The following VIL1 variants were observed in gnomAD, a reference collection of about 807,000 sequenced individuals.
The protein encoded by VIL1 is villin-1.
In VIL1, 86 loss-of-function variants were observed where a neutral mutation model predicts 104.0. The ratio of observed to expected loss-of-function variants is 0.83; its 90% CI spans 0.69 to 0.99. The LOEUF (loss-of-function observed/expected upper bound fraction) is 0.99. Among genes scored for constraint, VIL1 ranks in the 50% least tolerant of loss-of-function variants. The probability of loss-of-function intolerance (pLI) is 0.00; values close to 1 mark genes in which losing one functional copy is unlikely to be tolerated. For missense variants in VIL1, 944 were observed against 1,054.1 expected (o/e 0.90, Z 1.45); for synonymous variants, 394 against 412.6 (o/e 0.95, Z 0.55).
At chr2:218,435,859 G>C (rs1689179582) in intron 15 of VIL1, among the ~76,000 whole-genome samples, 1 of 152,134 alleles carries the variant, frequency 6.6e-6, no homozygotes, top group South Asian at 2.1e-4. Flanking sequence ...TTGTGACAGA[G>C]TCTCGCTCTG....
At chr2:218,441,073 G>T (rs1689276080) in intron 19 of VIL1, among the ~76,000 whole-genome samples, 1 of 152,168 alleles carries the variant, frequency 6.6e-6, no homozygotes, top group East Asian at 1.9e-4. Context: ...CCAGAAAGGT[G>T]AAGTACAGGA....
At chr2:218,427,044 C>T (rs1689014189) in intron 4 of VIL1, among the ~76,000 whole-genome samples, 1 of 152,206 alleles carries the variant, frequency 6.6e-6, no homozygotes, top group African/African-American at 2.4e-5. Context: ...GCTACCACTC[C>T]CAGCCCAGAC....
chr2:218,428,918 C>A (rs1689047085), intron 6 of VIL1, among the ~76,000 whole-genome samples: 1 of 152,210 alleles, frequency 6.6e-6, no homozygotes, highest in Non-Finnish European at 1.5e-5. Flanking sequence ...GATCCACCCG[C>A]CTCGGCCTCC....
At position 218,428,348 on chromosome 2, in the gene VIL1, C is replaced by T. The variant is rs1305323317; in HGVS notation, c.567+11C>T. 1 of 1,607,944 alleles carries T rather than the reference C, an allele frequency of 6.2e-7. No homozygotes were observed. The highest frequency in any genetic ancestry group is 1.3e-5 in the African/African-American group (1 of 74,768). On this transcript the variant is annotated intron_variant, in intron 6 of 19. Coordinates refer to ENST00000248444, the MANE Select transcript of VIL1 (RefSeq NM_007127.3). ...ATGGAGAGACTCAGGGTAAACCTGC[C>T]CATGCACCACACCTCCCTCTCGAAT...
rs759938013 is a variant in VIL1 at position 218,430,826 on chromosome 2, A to G, written c.1050A>G (p.Thr350=). Reference sequence around the variant, plus strand: ...TTCAGCAGCTCTTCCAGAAGTGGACAGCGTCCAACCGGACCTCAGGCCTAG... The same window carrying G: ...TTCAGCAGCTCTTCCAGAAGTGGACGGCGTCCAACCGGACCTCAGGCCTAG... ...AVFQQLFQKW[T]ASNRTSGLGK... is the part of the protein sequence containing the mutation. The change falls in exon 10 of 20, where the codon ACA becomes ACG. Residue 350 remains threonine (T), a synonymous_variant. Transcript: ENST00000248444. 4.3e-6 allele frequency: 7 copies of G among 1,613,972 alleles called. No individual in the cohort carries two copies. In the African/African-American group the frequency reaches 6.7e-5, roughly 15 times the overall value.
At chr2:218,445,356 G>A (rs1689347484) in intron 19 of VIL1, among the ~76,000 whole-genome samples, 1 of 152,078 alleles carries the variant, frequency 6.6e-6, no homozygotes, top group South Asian at 2.1e-4. Context: ...ATCTGTGATT[G>A]TGTCACCACA....
At position 218,444,217 on chromosome 2, in the gene VIL1, G is replaced by A. The variant is rs140598324; in HGVS notation, c.2370+3355G>A. On this transcript the variant is annotated intron_variant, in intron 19 of 19. Coordinates refer to ENST00000248444, the MANE Select transcript of VIL1 (RefSeq NM_007127.3). ...ACTCCTGACCTCAGGTGATCCACCC[G>A]CCTCAGCCTCCCAAAGTGCTGGGAT... 5.1e-3 allele frequency among the ~76,000 whole-genome samples: 778 copies of A among 152,180 alleles called. 6 individuals carry two copies. The highest frequency in any genetic ancestry group is 0.017 in the African/African-American group (722 of 41,516).
Position 218,449,268 on chromosome 2 carries a change from C to A in VIL1, c.2416C>A (p.Pro806Thr), listed in dbSNP as rs749937737. The A allele has an allele frequency of 1.1e-5, 18 of 1,613,980 alleles. No individual in the cohort carries two copies. Residue 806 changes from proline (P) to threonine (T), a missense_variant, in exon 20 of 20, where the codon CCA becomes ACA. Physicochemically the swap from Pro to Thr is conservative, Grantham distance 38. Transcript: ENST00000248444. ...TTTCACTCAGGCCTTTGGGATGACT[C>A]CAGCTGCCTTCTCTGCTCTGCCTCG... ...EDFTQAFGMTPAAFSALPRWK... is the reference protein window; with the variant it reads ...EDFTQAFGMTTAAFSALPRWK...
In VIL1 at chr2:218,451,710, G is replaced by A. The variant is rs1161604516; in HGVS notation, c.*2374G>A. The A allele has an allele frequency of 1.3e-5, 2 of 152,238 alleles. No homozygotes were observed. Among genetic ancestry groups the A allele is most frequent in the African/African-American group, 4.8e-5 (2 of 41,416 alleles). 9.4% of individuals were successfully genotyped at this position (152,238 alleles called of 1,614,324 possible). A position where few individuals can be genotyped will look rare whatever the true frequency, so the allele number is the denominator to read the frequency against. On this transcript the variant is annotated 3_prime_UTR_variant, in exon 20 of 20. Transcript: ENST00000248444. The stretch of plus-strand genomic sequence containing the variant: ...TTTCAGAATTTTATACTTGATCAAG[G>A]AGAAAAATAAATGTGTAGTCTAACA...
intron 19 of VIL1, among the ~76,000 whole-genome samples, chr2:218,448,693 T>G (rs752815357): frequency 2.2e-4 from 33 of 152,042 alleles, no homozygotes; most frequent in Middle Eastern, 3.4e-3. Flanking sequence ...CACACTACTA[T>G]CTTTTTCATT....
chr2:218,424,503 G>C, intron 3 of VIL1, 152 bp downstream of exon 3: 1 of 754,198 alleles, frequency 1.3e-6, no homozygotes, highest in East Asian at 2.7e-5. Flanking sequence ...CCCTGTGGGG[G>C]CTTCACAGAG....
At chr2:218,438,116 C>T (rs1352809153) in intron 17 of VIL1, among the ~76,000 whole-genome samples, 5 of 152,198 alleles carry the variant, frequency 3.3e-5, no homozygotes, top group African/African-American at 9.6e-5. Flanking sequence ...CTTTAGTTAT[C>T]ACCTTTCCCT....
chr2:218,421,196 G>T lies in VIL1; in HGVS notation c.-12+2028G>T, dbSNP rs185214476. ...GGCGTGGGGTGAGAGGCAGCATGGG[G>T]GTGGGGCCGCCAGCAGTGTGGCATT... On this transcript the variant is annotated intron_variant, in intron 1 of 19. Transcript: ENST00000248444. Among the ~76,000 whole-genome samples, 115 of 152,222 alleles carry T rather than the reference G, an allele frequency of 7.6e-4. 2 individuals carry two copies. In the East Asian group the frequency reaches 0.02, roughly 27 times the overall value.
In VIL1 at chr2:218,423,859, G is replaced by A. The variant is rs749423663; in HGVS notation, c.75+6G>A. 6.8e-6 allele frequency: 11 copies of A among 1,614,028 alleles called. No individual in the cohort carries two copies. The highest frequency in any genetic ancestry group is 2.7e-5 in the African/African-American group (2 of 74,930). On this transcript the variant is annotated splice_donor_region_variant and intron_variant, in intron 2 of 19. Transcript: ENST00000248444. The stretch of plus-strand genomic sequence containing the variant: ...TGCAGATATGGAGGATCGAGGTGAG[G>A]CCCTGTCTGGGCATGGGGGCTGCTC...
intron 16 of VIL1, 74 bp downstream of exon 16, chr2:218,436,700 G>T (rs953665859): frequency 1.3e-6 from 2 of 1,536,168 alleles, no homozygotes; most frequent in African/African-American, 1.4e-5. Context: ...TGGCTTTAAG[G>T]TTAGGTAAGT....
intron 1 of VIL1, among the ~76,000 whole-genome samples, chr2:218,420,626 T>C (rs1317960836): frequency 6.7e-6 from 1 of 148,288 alleles, no homozygotes; most frequent in Non-Finnish European, 1.5e-5. Context: ...CACTCTTTCA[T>C]CCAGGCTGGA....
chr2:218,437,589 CTTAAA>C (rs1221057886), intron 17 of VIL1, among the ~76,000 whole-genome samples: 1 of 152,222 alleles, frequency 6.6e-6, no homozygotes, highest in African/African-American at 2.4e-5. Context: ...GTACTGATTA[CTTAAA>C]TTAAAATTAA....
At position 218,436,542 on chromosome 2, in the gene VIL1, G is replaced by T; in HGVS notation, c.1887G>T (p.Gly629=). The T allele has an allele frequency of 6.2e-7, 1 of 1,614,090 alleles. No individual in the cohort carries two copies. Among genetic ancestry groups the T allele is most frequent in the Non-Finnish European group, 8.5e-7 (1 of 1,180,032 alleles). The change falls in exon 16 of 20, where the codon GGG becomes GGT. Residue 629 remains glycine (G), a synonymous_variant. Coordinates refer to ENST00000248444, the MANE Select transcript of VIL1 (RefSeq NM_007127.3). ...TCTTTGAGTGTTCCAACAAGACTGG[G>T]CGCTTCCTGGCCACAGAGATCCCTG... is the stretch of plus-strand genomic sequence containing the variant. ...PRLFECSNKT[G]RFLATEIPDF... is the part of the protein sequence containing the mutation.
intron 13 of VIL1, among the ~76,000 whole-genome samples, chr2:218,433,936 A>G (rs973606769): frequency 1.4e-5 from 2 of 144,180 alleles, no homozygotes; most frequent in African/African-American, 5.2e-5. Flanking sequence ...GTGGCTCACA[A>G]CTGTAATCCC....
Sources: allele counts gnomAD v4.1 joint callset (sites outside exome capture counted in the v4.1 genomes callset), GRCh38; gene constraint gnomAD v4.1.1; transcripts MANE v1.5; gene names NCBI Gene and HGNC (gene_info 2026-07-23, HGNC 2026-07-21).